Variants in PPP1R21 observed in about 807,000 individuals in gnomAD.
PPP1R21 encodes KLRAQ motif containing 1.
In PPP1R21, 85 loss-of-function variants were observed where a neutral mutation model predicts 112.8. The ratio of observed to expected loss-of-function variants is 0.75; its 90% CI spans 0.63 to 0.90. PPP1R21 has a LOEUF of 0.90. Among genes scored for constraint, PPP1R21 ranks in the 40% least tolerant of loss-of-function variants. The pLI is 0.00. For missense variants in PPP1R21, 1,199 were observed against 901.5 expected (o/e 1.33, Z -4.23); for synonymous variants, 381 against 322.3 (o/e 1.18, Z -1.95).
chr2:48,448,366 T>G (rs1667338018), intron 1 of PPP1R21, among the ~76,000 whole-genome samples: 1 of 152,254 alleles, frequency 6.6e-6, no homozygotes. Flanking sequence ...AGCAGTCTGT[T>G]CAGTTTGCTT....
At chr2:48,457,578 G>C (rs1667782050) in intron 3 of PPP1R21, among the ~76,000 whole-genome samples, 1 of 151,680 alleles carries the variant, frequency 6.6e-6, no homozygotes, top group Non-Finnish European at 1.5e-5. Context: ...TTAAAGGAAG[G>C]GATTTTAAAA....
chr2:48,485,626 G>A (rs890650047), intron 13 of PPP1R21, among the ~76,000 whole-genome samples: 3 of 151,596 alleles, frequency 2.0e-5, no homozygotes, highest in Non-Finnish European at 4.4e-5. Flanking sequence ...GTTTTAAAAT[G>A]TTAGTGAAAA....
intron 1 of PPP1R21, among the ~76,000 whole-genome samples, chr2:48,446,912 G>A (rs564101742): frequency 1.2e-4 from 18 of 152,042 alleles, no homozygotes; most frequent in South Asian, 8.3e-4. Flanking sequence ...CACCATGCCC[G>A]GCTAATTTTT....
intron 17 of PPP1R21, among the ~76,000 whole-genome samples, chr2:48,500,529 A>G (rs1670063639): frequency 6.6e-6 from 1 of 152,182 alleles, no homozygotes; most frequent in African/African-American, 2.4e-5. Context: ...AGCAACAAAT[A>G]GAAAATAATA....
intron 4 of PPP1R21, among the ~76,000 whole-genome samples, 195 bp from the exon 5 acceptor site, chr2:48,459,559 A>G (rs530343967): frequency 1.3e-5 from 2 of 152,320 alleles, no homozygotes; most frequent in South Asian, 2.1e-4. Context: ...TTGAGTTTCC[A>G]TATTTGTAAA....
intron 14 of PPP1R21, among the ~76,000 whole-genome samples, chr2:48,488,931 T>C (rs886971825): frequency 1.3e-5 from 2 of 152,222 alleles, no homozygotes; most frequent in Admixed American, 6.5e-5. Flanking sequence ...TGTACTACCA[T>C]GATCCAAATG....
chr2:48,499,950 A>AT (rs896172827), intron 17 of PPP1R21, among the ~76,000 whole-genome samples: 10 of 152,062 alleles, frequency 6.6e-5, no homozygotes, highest in Non-Finnish European at 1.0e-4. Context: ...TTTAACAAAC[A>AT]TTTTTTTTAC....
In PPP1R21 at chr2:48,491,000, T is replaced by G; in HGVS notation, c.1447-18T>G. ...TTGTTGGAAAACAAAATCTATTTCC[T>G]TGTCATACTTTGTTTAGATTGCATC... On this transcript the variant is annotated intron_variant, in intron 14 of 21. Coordinates refer to ENST00000294952, the MANE Select transcript of PPP1R21 (RefSeq NM_001135629.3). 6.2e-7 allele frequency: 1 copy of G among 1,609,304 alleles called. No individual in the cohort carries two copies. Among genetic ancestry groups the G allele is most frequent in the Non-Finnish European group, 8.5e-7 (1 of 1,175,792 alleles).
At chr2:48,463,053 G>A (rs1254448433) in intron 7 of PPP1R21, among the ~76,000 whole-genome samples, 2 of 152,204 alleles carry the variant, frequency 1.3e-5, no homozygotes, top group Non-Finnish European at 2.9e-5. Flanking sequence ...TAACTTTGTT[G>A]TTGTTTAATC....
In PPP1R21 at chr2:48,446,498, TAAAAG is replaced by T. The variant is rs1217932068; in HGVS notation, c.58-4508_58-4504del. On this transcript the variant is annotated intron_variant, in intron 1 of 21. Transcript: ENST00000294952. ...GAGGTTCAAATTATTTGGAGAGTCT[TAAAAG>T]AGAACTGTTAAAGTAATGGCAATCT... 3.9e-5 allele frequency among the ~76,000 whole-genome samples: 6 copies of T among 152,294 alleles called. No individual in the cohort carries two copies. In the South Asian group the frequency reaches 8.3e-4, roughly 21 times the overall value.
intron 17 of PPP1R21, 34 bp downstream of exon 17, chr2:48,498,769 T>C (rs1669967978): frequency 1.2e-5 from 20 of 1,604,730 alleles, no homozygotes; most frequent in Non-Finnish European, 1.5e-5. Flanking sequence ...CAGTTTTCTT[T>C]TTTAAATGCT....
At chr2:48,504,574 G>T (rs1241669216) in intron 17 of PPP1R21, among the ~76,000 whole-genome samples, 1 of 152,170 alleles carries the variant, frequency 6.6e-6, no homozygotes, top group African/African-American at 2.4e-5. Flanking sequence ...CCGGGAGGTG[G>T]AGGTTGCAGT....
In PPP1R21 at chr2:48,455,444, C is replaced by T. The variant is rs565281810; in HGVS notation, c.273+703C>T. On this transcript the variant is annotated intron_variant, in intron 3 of 21. Coordinates refer to ENST00000294952, the MANE Select transcript of PPP1R21 (RefSeq NM_001135629.3). ...AGGCCTGAGCCACCGTGCCTGGCCC[C>T]GGCCCTGAATTTTTAATGTTCCGTT... 2.5e-4 allele frequency among the ~76,000 whole-genome samples: 38 copies of T among 151,982 alleles called. No individual in the cohort carries two copies. In the South Asian group the frequency reaches 6.7e-3, roughly 27 times the overall value.
chr2:48,507,916 C>A (rs1362312100), intron 19 of PPP1R21, among the ~76,000 whole-genome samples: 1 of 151,132 alleles, frequency 6.6e-6, no homozygotes, highest in Non-Finnish European at 1.5e-5. Context: ...CAGGCACCCG[C>A]CATCATGCCT....
chr2:48,479,894 A>T (rs1668930367), intron 12 of PPP1R21, 30 bp from the exon 13 acceptor site: 2 of 1,385,078 alleles, frequency 1.4e-6, no homozygotes, highest in South Asian at 1.2e-5. Flanking sequence ...TTTCAGGAAA[A>T]TGCTTAGATT....
intron 17 of PPP1R21, among the ~76,000 whole-genome samples, chr2:48,500,831 C>A (rs887733720): frequency 6.6e-6 from 1 of 152,116 alleles, no homozygotes; most frequent in Non-Finnish European, 1.5e-5. Context: ...ATTGCTTGAA[C>A]CTGGGAGGCG....
intron 13 of PPP1R21, among the ~76,000 whole-genome samples, chr2:48,483,899 G>C (rs1205510262): frequency 6.6e-6 from 1 of 151,562 alleles, no homozygotes; most frequent in Admixed American, 6.6e-5. Context: ...TATTTCCCAG[G>C]CTGGTCTCAA....
At chr2:48,470,144 G>A (rs915867122) in intron 9 of PPP1R21, among the ~76,000 whole-genome samples, 2 of 152,122 alleles carry the variant, frequency 1.3e-5, no homozygotes, top group African/African-American at 4.8e-5. Flanking sequence ...TTTTCTAAAT[G>A]CCTATAGGAT....
In PPP1R21 at chr2:48,469,261, T is replaced by TTGTGTGTGTGTGTG. The variant is rs745866100; in HGVS notation, c.898-1804_898-1791dup. Among the ~76,000 whole-genome samples, 212 of 46,216 alleles carry TTGTGTGTGTGTGTG rather than the reference T, an allele frequency of 4.6e-3. 3 individuals carry two copies. Among genetic ancestry groups the TTGTGTGTGTGTGTG allele is most frequent in the Non-Finnish European group, 7.2e-3 (155 of 21,648 alleles). 30.3% of individuals were successfully genotyped at this position (46,216 alleles called of 152,430 possible). ...GCCAAACCATATCAATATATTTGAA[T>TTGTGTGTGTGTGTG]TGTGTGTGTGTGTGTGTGTGTGTGT... On this transcript the variant is annotated intron_variant, in intron 9 of 21. Coordinates refer to ENST00000294952, the MANE Select transcript of PPP1R21 (RefSeq NM_001135629.3).
Sources: gnomAD v4.1 joint callset for allele counts (sites outside exome capture counted in the v4.1 genomes callset) on GRCh38, gnomAD v4.1.1 for gene constraint, MANE v1.5 for transcripts, NCBI Gene and HGNC (gene_info 2026-07-23, HGNC 2026-07-21) for gene names.